Variants in SHANK2 observed in about 807,000 individuals in gnomAD.
The protein encoded by SHANK2 is SH3 and multiple ankyrin repeat domains protein 2.
Under a neutral mutation model 133.7 loss-of-function variants are expected in SHANK2, and 43 were observed. The ratio of observed to expected loss-of-function variants is 0.32; its 90% CI spans 0.25 to 0.41. The LOEUF is 0.41. Ranked by LOEUF, SHANK2 falls within the 10% of genes least tolerant of loss-of-function variation. SHANK2 has a pLI of 1.00. For missense variants in SHANK2, 1,994 were observed against 2,235.8 expected (o/e 0.89, Z 2.18); for synonymous variants, 1,017 against 952.8 (o/e 1.07, Z -1.24).
At chr11:70,563,034 G>A (rs376398494) in intron 17 of SHANK2, among the ~76,000 whole-genome samples, 6 of 152,102 alleles carry the variant, frequency 3.9e-5, no homozygotes, top group African/African-American at 1.2e-4. Flanking sequence ...ACCGCGCCTG[G>A]CTAATTTTTG....
intron 3 of SHANK2, among the ~76,000 whole-genome samples, chr11:71,130,284 C>T (rs539742695): frequency 2.0e-5 from 3 of 152,296 alleles, no homozygotes; most frequent in South Asian, 2.1e-4. Context: ...GGGACACGTC[C>T]GCACTGCTGA....
chr11:71,192,054 T>C (rs1953804984), intron 2 of SHANK2, among the ~76,000 whole-genome samples: 1 of 151,700 alleles, frequency 6.6e-6, no homozygotes, highest in South Asian at 2.1e-4. Context: ...AGAGATGGGG[T>C]TTCACCGTGT....
At chr11:70,801,614 G>A (rs1555050535) in intron 13 of SHANK2, among the ~76,000 whole-genome samples, 1 of 152,140 alleles carries the variant, frequency 6.6e-6, no homozygotes, top group African/African-American at 2.4e-5. Flanking sequence ...CCACACCCTG[G>A]GTAAGAAGAG....
At chr11:70,718,029 T>C (rs1383133464) in intron 14 of SHANK2, among the ~76,000 whole-genome samples, 1 of 152,158 alleles carries the variant, frequency 6.6e-6, no homozygotes, top group Non-Finnish European at 1.5e-5. Flanking sequence ...CACTTCCCAC[T>C]GTACCAGGGA....
At chr11:71,216,644 A>G (rs1280562319) in intron 2 of SHANK2, among the ~76,000 whole-genome samples, 1 of 152,186 alleles carries the variant, frequency 6.6e-6, no homozygotes, top group Non-Finnish European at 1.5e-5. Context: ...TGTGTATGCA[A>G]TGGCGGTCCC....
intron 1 of SHANK2, among the ~76,000 whole-genome samples, chr11:71,240,187 T>A (rs782003827): frequency 6.6e-6 from 1 of 152,272 alleles, no homozygotes; most frequent in Non-Finnish European, 1.5e-5. Context: ...GCATAAAACC[T>A]GCTGAAAACC....
Position 70,525,470 on chromosome 11 carries a change from A to AT in SHANK2, c.2062-22540dup, listed in dbSNP as rs543242388. ...CCCAGGGATGGGCAGGGGATGGTGG[A>AT]TTTTTTTTTTTCTGCCTTCTGCTAG... is the stretch of plus-strand genomic sequence containing the variant. On this transcript the variant is annotated intron_variant, in intron 17 of 25. Coordinates refer to ENST00000601538, the MANE Select transcript of SHANK2 (RefSeq NM_012309.5). Among the ~76,000 whole-genome samples, 941 of 147,690 alleles carry AT rather than the reference A, an allele frequency of 6.4e-3. 5 individuals are homozygous for AT. The highest frequency in any genetic ancestry group is 7.9e-3 in the African/African-American group (318 of 40,482).
chr11:70,629,310 C>A (rs1284758788), intron 17 of SHANK2, among the ~76,000 whole-genome samples: 5 of 152,296 alleles, frequency 3.3e-5, no homozygotes, highest in Admixed American at 3.3e-4. Context: ...GGGCAGCGAG[C>A]CAGACTGAAA....
Position 71,085,283 on chromosome 11 carries a change from C to T in SHANK2, c.912+7139G>A, listed in dbSNP as rs1951363135. On this transcript the variant is annotated intron_variant, in intron 8 of 25. Coordinates refer to ENST00000601538, the MANE Select transcript of SHANK2 (RefSeq NM_012309.5). The stretch of plus-strand genomic sequence containing the variant: ...ACAAGCCTAGCCAACATGTTGAAAC[C>T]CTGTCTCTACTAAAAATACAAAATT... 4.6e-5 allele frequency among the ~76,000 whole-genome samples: 7 copies of T among 151,152 alleles called. No individual in the cohort carries two copies. The South Asian group carries it at 1.5e-3, about 31-fold the overall frequency.
intron 10 of SHANK2, among the ~76,000 whole-genome samples, chr11:70,915,703 G>A (rs1590828999): frequency 6.6e-6 from 1 of 152,326 alleles, no homozygotes. Flanking sequence ...CAAAAGGGCT[G>A]CCTGCCTCGC....
chr11:70,656,495 G>A (rs1008146373), intron 17 of SHANK2, among the ~76,000 whole-genome samples: 5 of 152,146 alleles, frequency 3.3e-5, no homozygotes, highest in South Asian at 2.1e-4. Context: ...ACTTCCCGCC[G>A]CCCTGCCCCT....
Position 70,525,089 on chromosome 11 carries a change from C to T in SHANK2, c.2062-22158G>A, listed in dbSNP as rs145594403. Among the ~76,000 whole-genome samples, 610 of 152,366 alleles carry T rather than the reference C, an allele frequency of 4.0e-3. 6 individuals are homozygous for T. Among genetic ancestry groups the T allele is most frequent in the African/African-American group, 0.014 (584 of 41,592 alleles). On this transcript the variant is annotated intron_variant, in intron 17 of 25. Transcript: ENST00000601538. ...CTTGCTGCCAATCGGCTTGACAGCC[C>T]GGCAGCTGCAGCGACACTTACAGTA...
intron 11 of SHANK2, among the ~76,000 whole-genome samples, chr11:70,871,420 C>CA (rs1949460598): frequency 6.6e-6 from 1 of 152,110 alleles, no homozygotes. Context: ...CAAGGGCAAC[C>CA]ACAGAACCTG....
chr11:71,160,227 G>A (rs1391809510), intron 2 of SHANK2, among the ~76,000 whole-genome samples: 4 of 152,150 alleles, frequency 2.6e-5, no homozygotes, highest in Admixed American at 2.6e-4. Flanking sequence ...TGCAAAGTGG[G>A]ACTGCTCCGG....
intron 15 of SHANK2, among the ~76,000 whole-genome samples, chr11:70,688,582 T>G (rs1220383816): frequency 1.3e-5 from 2 of 152,214 alleles, no homozygotes; most frequent in Admixed American, 1.3e-4. Flanking sequence ...ATTTCACAGA[T>G]GATATCTAAG....
intron 11 of SHANK2, among the ~76,000 whole-genome samples, chr11:70,834,553 A>T (rs528861416): frequency 1.6e-4 from 24 of 152,318 alleles, no homozygotes; most frequent in Admixed American, 1.3e-3. Context: ...CTTCCTGCCC[A>T]TCCCCCACCA....
intron 6 of SHANK2, among the ~76,000 whole-genome samples, chr11:71,105,518 G>A (rs1951787816): frequency 6.6e-6 from 1 of 151,164 alleles, no homozygotes; most frequent in Non-Finnish European, 1.5e-5. Flanking sequence ...CTTGAACTCG[G>A]GAGGCGGAGG....
intron 17 of SHANK2, among the ~76,000 whole-genome samples, chr11:70,607,932 C>T (rs1554992984): frequency 6.6e-6 from 1 of 152,224 alleles, no homozygotes; most frequent in Non-Finnish European, 1.5e-5. Context: ...TCCATCCTTG[C>T]GTTCCTGTGG....
At chr11:70,892,106 GC>G (rs527237129) in intron 11 of SHANK2, among the ~76,000 whole-genome samples, 103 of 152,304 alleles carry the variant, frequency 6.8e-4, no homozygotes, top group Non-Finnish European at 5.3e-4. Context: ...CTCGGGGGCT[GC>G]CAGGCAGCAC....
Sources: gnomAD v4.1 joint callset for allele counts (sites outside exome capture counted in the v4.1 genomes callset) on GRCh38, gnomAD v4.1.1 for gene constraint, MANE v1.5 for transcripts, NCBI Gene and HGNC (gene_info 2026-07-23, HGNC 2026-07-21) for gene names.